The following FRMD4A variants were observed in gnomAD, a reference collection of about 807,000 sequenced individuals.
FRMD4A encodes the protein FERM domain containing 4A, also known as FERM domain-containing protein 4A.
FRMD4A carries 29 observed loss-of-function variants against 129.1 expected under a neutral mutation model. The ratio of observed to expected loss-of-function variants is 0.22; its 90% confidence interval spans 0.17 to 0.31. The LOEUF (loss-of-function observed/expected upper bound fraction) is 0.31, where lower values mean the gene tolerates loss of function less well. FRMD4A is among the 10% of genes least tolerant of loss of function. The probability of loss-of-function intolerance (pLI) is 1.00; values close to 1 mark genes in which losing one functional copy is unlikely to be tolerated. For synonymous variants in FRMD4A, 634 were observed against 571.6 expected (o/e 1.11, Z -1.56); for missense variants, 1,272 against 1,375.8 (o/e 0.92, Z 1.19).
intron 2 of FRMD4A, among the ~76,000 whole-genome samples, chr10:14,035,121 A>T (rs1028084891): frequency 6.6e-6 from 1 of 152,186 alleles, no homozygotes; most frequent in Admixed American, 6.5e-5. Context: ...AGGGAATTAA[A>T]AACAAAATAG....
intron 2 of FRMD4A, among the ~76,000 whole-genome samples, chr10:14,143,108 T>C (rs1020334970): frequency 4.6e-5 from 7 of 152,230 alleles, no homozygotes; most frequent in African/African-American, 9.6e-5. Flanking sequence ...AAGAGAATTA[T>C]ATGATTCAGC....
At chr10:14,300,378 G>T (rs1380953810) in intron 2 of FRMD4A, among the ~76,000 whole-genome samples, 1 of 152,094 alleles carries the variant, frequency 6.6e-6, no homozygotes, top group Non-Finnish European at 1.5e-5. Flanking sequence ...GTATTCACTT[G>T]CCCAAGGTCA....
intron 3 of FRMD4A, among the ~76,000 whole-genome samples, chr10:13,846,275 T>C (rs2094044322): frequency 6.6e-6 from 1 of 152,264 alleles, no homozygotes; most frequent in Non-Finnish European, 1.5e-5. Flanking sequence ...TTACTTTTAA[T>C]GCAATTACTT....
chr10:13,861,523 G>C (rs1449065959), intron 2 of FRMD4A, among the ~76,000 whole-genome samples: 1 of 152,150 alleles, frequency 6.6e-6, no homozygotes, highest in Non-Finnish European at 1.5e-5. Context: ...CCCCAGCTCT[G>C]AGAAAAATCA....
At chr10:13,999,360 G>C (rs1588717673) in intron 2 of FRMD4A, among the ~76,000 whole-genome samples, 1 of 152,154 alleles carries the variant, frequency 6.6e-6, no homozygotes, top group Non-Finnish European at 1.5e-5. Flanking sequence ...ATAAATATCT[G>C]TGAAATTAAT....
At chr10:13,710,290 A>G (rs1236236568) in intron 12 of FRMD4A, 1 of 152,212 alleles carries the variant, frequency 6.6e-6, no homozygotes, top group Non-Finnish European at 1.5e-5. Flanking sequence ...GAATGCTCCG[A>G]GGGGTTGTTT....
intron 2 of FRMD4A, among the ~76,000 whole-genome samples, chr10:13,951,128 A>G (rs993972662): frequency 1.3e-5 from 2 of 152,302 alleles, no homozygotes; most frequent in Non-Finnish European, 2.9e-5. Flanking sequence ...GTGCTTCCAC[A>G]GAAGGAGCTA....
At chr10:13,885,523 C>T (rs973943927) in intron 2 of FRMD4A, among the ~76,000 whole-genome samples, 2 of 152,194 alleles carry the variant, frequency 1.3e-5, no homozygotes. Flanking sequence ...TGCCTGTAAG[C>T]TCTTCCTCAT....
chr10:14,173,765 C>A (rs1265018312), intron 2 of FRMD4A, among the ~76,000 whole-genome samples: 1 of 152,054 alleles, frequency 6.6e-6, no homozygotes, highest in African/African-American at 2.4e-5. Flanking sequence ...TCTAATCAAC[C>A]GAGAGGCGAA....
At chr10:13,741,077 T>C (rs2090973718) in intron 9 of FRMD4A, among the ~76,000 whole-genome samples, 1 of 152,066 alleles carries the variant, frequency 6.6e-6, no homozygotes, top group African/African-American at 2.4e-5. Flanking sequence ...TCCACCCACC[T>C]TGGCCTCCCA....
At chr10:14,238,661 A>T in intron 2 of FRMD4A, among the ~76,000 whole-genome samples, 1 of 151,956 alleles carries the variant, frequency 6.6e-6, no homozygotes, top group Admixed American at 6.6e-5. Flanking sequence ...TTAGGTACTC[A>T]TCCTAATGCT....
At chr10:13,778,753 C>T (rs141389124) in intron 6 of FRMD4A, among the ~76,000 whole-genome samples, 47 of 152,116 alleles carry the variant, frequency 3.1e-4, no homozygotes, top group African/African-American at 9.9e-4. Flanking sequence ...CACAGACAAG[C>T]GCACGAGGAG....
chr10:13,992,952 CAAAAAAA>C (rs10648349), intron 2 of FRMD4A, among the ~76,000 whole-genome samples: 3 of 65,992 alleles, frequency 4.5e-5, no homozygotes, highest in African/African-American at 2.1e-4. Context: ...GACTCTGTCT[CAAAAAAA>C]AAAAAAAAAA....
intron 2 of FRMD4A, among the ~76,000 whole-genome samples, chr10:14,298,631 T>A (rs73585012): frequency 0.015 from 2,251 of 152,334 alleles, 51 homozygotes; most frequent in African/African-American, 0.05. Flanking sequence ...CCAAGCTCTC[T>A]GCATAACACC....
chr10:13,809,613 G>T (rs894796576), intron 4 of FRMD4A, among the ~76,000 whole-genome samples: 11 of 152,120 alleles, frequency 7.2e-5, no homozygotes, highest in Admixed American at 7.2e-4. Flanking sequence ...CCTGCCCACC[G>T]ACGGCCACTC....
chr10:13,795,147 C>T (rs911605761), intron 5 of FRMD4A, among the ~76,000 whole-genome samples: 41 of 152,288 alleles, frequency 2.7e-4, no homozygotes, highest in African/African-American at 8.7e-4. Context: ...CATCCACCTG[C>T]GATGACAGGT....
At chr10:13,684,316 C>T (rs1011284593) in intron 15 of FRMD4A, 5 of 984,892 alleles carry the variant, frequency 5.1e-6, no homozygotes, top group Non-Finnish European at 6.0e-6. Flanking sequence ...GATGGAGTTA[C>T]TCACGCCAAG....
rs1034971838 is a variant in FRMD4A, at chr10:13,821,999, A to G, written c.112-11091T>C. 2.0e-5 allele frequency among the ~76,000 whole-genome samples: 3 copies of G among 152,120 alleles called. No homozygotes were observed. Among genetic ancestry groups the G allele is most frequent in the Non-Finnish European group, 4.4e-5 (3 of 68,024 alleles). ...ATCCGAAGCAGGAAGGAAAGAAACA[A>G]AGTACATCAAGGAAAGGGGTAAAAG... On this transcript the variant is annotated intron_variant, in intron 3 of 24. Transcript: ENST00000357447. The surrounding 1 kb of genome is among the most constrained non-coding windows in gnomAD (Gnocchi z 4.3).
At chr10:13,714,269 G>C (rs1195898218) in intron 12 of FRMD4A, among the ~76,000 whole-genome samples, 1 of 150,540 alleles carries the variant, frequency 6.6e-6, no homozygotes. Context: ...CATCATGTTG[G>C]CCAGGCTGGT....
Sources: allele counts gnomAD v4.1 joint callset (sites outside exome capture counted in the v4.1 genomes callset), GRCh38; gene constraint gnomAD v4.1.1; non-coding constraint Gnocchi (gnomAD v3.1); transcripts MANE v1.5; gene names NCBI Gene and HGNC (gene_info 2026-07-23, HGNC 2026-07-21).